Variants in CNTN5 observed in about 807,000 individuals in gnomAD.
CNTN5 encodes the protein contactin-5.
In CNTN5, 77 loss-of-function variants were observed where a neutral mutation model predicts 129.1. The observed-to-expected ratio is 0.60, with a 90% CI of 0.50 to 0.72. The LOEUF (loss-of-function observed/expected upper bound fraction) is 0.72. Ranked by LOEUF, CNTN5 falls within the 30% of genes least tolerant of loss-of-function variation. The probability of loss-of-function intolerance (pLI) is 0.00; values close to 1 mark genes in which losing one functional copy is unlikely to be tolerated. For missense variants in CNTN5, 1,478 were observed against 1,328.8 expected, an observed-to-expected ratio of 1.11 and a Z score of -1.75; for synonymous variants, 509 against 465.6, an observed-to-expected ratio of 1.09 and a Z score of -1.20.
intron 3 of CNTN5, among the ~76,000 whole-genome samples, chr11:99,630,823 T>C (rs1008550361): frequency 1.3e-5 from 2 of 152,146 alleles, no homozygotes; most frequent in African/African-American, 4.8e-5. Context: ...TATTGCACCC[T>C]TGTGGACCAT....
At chr11:99,171,194 A>G (rs1428359616) in intron 1 of CNTN5, among the ~76,000 whole-genome samples, 1 of 152,178 alleles carries the variant, frequency 6.6e-6, no homozygotes, top group Non-Finnish European at 1.5e-5. Context: ...TTATTTAAAA[A>G]TGTATTTCAT....
chr11:99,342,330 C>T (rs1168507480), intron 2 of CNTN5, among the ~76,000 whole-genome samples: 1 of 151,856 alleles, frequency 6.6e-6, no homozygotes, highest in South Asian at 2.1e-4. Context: ...TGAATCAATG[C>T]TACAATGATA....
intron 15 of CNTN5, among the ~76,000 whole-genome samples, chr11:100,197,538 T>C (rs546767288): frequency 3.3e-5 from 5 of 152,066 alleles, no homozygotes; most frequent in South Asian, 2.1e-4. Context: ...TGAGAGTTTA[T>C]GTTGGTCAGA....
Position 100,344,759 on chromosome 11 carries a change from A to G in CNTN5, c.3030+3554A>G, listed in dbSNP as rs372736678. On this transcript the variant is annotated intron_variant, in intron 23 of 24. Coordinates refer to ENST00000524871, the MANE Select transcript of CNTN5 (RefSeq NM_014361.4). ...CAAATTATCATATTACCCTGAAAATATATACATCTATTATGTATCAATAAA... is the reference window on the plus strand; with the variant it reads ...CAAATTATCATATTACCCTGAAAATGTATACATCTATTATGTATCAATAAA... Among the ~76,000 whole-genome samples, 24 of 152,282 alleles carry G rather than the reference A, an allele frequency of 1.6e-4. 1 individual carries two copies. The highest frequency in any genetic ancestry group is 1.4e-3 in the East Asian group (7 of 5,178).
chr11:99,821,818 T>A (rs1946810830), intron 4 of CNTN5, among the ~76,000 whole-genome samples: 2 of 152,188 alleles, frequency 1.3e-5, no homozygotes, highest in Non-Finnish European at 2.9e-5. Context: ...GATCTGTGGA[T>A]GATACTTACT....
intron 15 of CNTN5, among the ~76,000 whole-genome samples, chr11:100,196,668 T>C (rs544110966): frequency 1.3e-5 from 2 of 152,116 alleles, no homozygotes; most frequent in African/African-American, 4.8e-5. Flanking sequence ...GCTTCTACTA[T>C]TTATGTTGCC....
At chr11:100,008,292 T>C (rs1024896757) in intron 9 of CNTN5, among the ~76,000 whole-genome samples, 39 of 152,058 alleles carry the variant, frequency 2.6e-4, no homozygotes, top group African/African-American at 9.2e-4. Flanking sequence ...CCACAGACCT[T>C]CAATTTGTGA....
At position 99,089,113 on chromosome 11, in the gene CNTN5, AT is replaced by A. The variant is rs534517170; in HGVS notation, c.-210+67845del. Among the ~76,000 whole-genome samples the A allele has an allele frequency of 3.9e-5, 6 of 152,260 alleles. No individual in the cohort carries two copies. In the South Asian group the frequency reaches 1.2e-3, roughly 32 times the overall value. On this transcript the variant is annotated intron_variant, in intron 1 of 24. Coordinates refer to ENST00000524871, the MANE Select transcript of CNTN5 (RefSeq NM_014361.4). ...ATACCAGTTCACATAATATTAGTAA[AT>A]TCATGAGAGAACATTGAAGTTATAC...
chr11:99,577,823 TTTATTATTA>T (rs10677986), intron 3 of CNTN5, among the ~76,000 whole-genome samples: 2 of 147,980 alleles, frequency 1.4e-5, no homozygotes, highest in Admixed American at 6.8e-5. Context: ...AAGATTTTCT[TTTATTATTA>T]TTATTATTAT....
chr11:99,362,636 T>C (rs1030290837), intron 2 of CNTN5, among the ~76,000 whole-genome samples: 3 of 151,704 alleles, frequency 2.0e-5, no homozygotes, highest in African/African-American at 4.8e-5. Flanking sequence ...AGCATCCTTT[T>C]GGTGAAAAAA....
chr11:100,045,012 A>G (rs1025490476), intron 9 of CNTN5, among the ~76,000 whole-genome samples: 1 of 152,086 alleles, frequency 6.6e-6, no homozygotes, highest in Non-Finnish European at 1.5e-5. Context: ...CAGGCCATCA[A>G]AATGCAGTTT....
chr11:100,038,974 G>A (rs987001025), intron 9 of CNTN5, among the ~76,000 whole-genome samples: 127 of 152,136 alleles, frequency 8.3e-4, no homozygotes, highest in Non-Finnish European at 1.6e-3. Flanking sequence ...TTACATTTAA[G>A]GTTAATATTG....
chr11:99,790,194 T>A (rs1037695877), intron 3 of CNTN5, among the ~76,000 whole-genome samples: 1 of 152,054 alleles, frequency 6.6e-6, no homozygotes, highest in African/African-American at 2.4e-5. Flanking sequence ...AAATTTTTAT[T>A]TTAGGTTCAG....
intron 8 of CNTN5, among the ~76,000 whole-genome samples, chr11:99,983,251 T>A (rs989433423): frequency 6.6e-6 from 1 of 152,178 alleles, no homozygotes; most frequent in African/African-American, 2.4e-5. Context: ...GAATTATAGT[T>A]TATTAAACAG....
At chr11:99,527,909 C>A (rs985682337) in intron 2 of CNTN5, among the ~76,000 whole-genome samples, 1 of 152,080 alleles carries the variant, frequency 6.6e-6, no homozygotes, top group Non-Finnish European at 1.5e-5. Flanking sequence ...CAACAAAGCC[C>A]CGCAGAGAAC....
intron 9 of CNTN5, among the ~76,000 whole-genome samples, chr11:100,040,185 A>T (rs1942286501): frequency 6.6e-6 from 1 of 151,998 alleles, no homozygotes; most frequent in Admixed American, 6.6e-5. Flanking sequence ...TTTCCTTCTA[A>T]CAGACAGGAC....
intron 6 of CNTN5, among the ~76,000 whole-genome samples, chr11:99,900,121 T>C (rs1313310942): frequency 6.6e-6 from 1 of 151,888 alleles, no homozygotes; most frequent in Non-Finnish European, 1.5e-5. Context: ...TTAGCCCAAC[T>C]AGCGTTCTAT....
At chr11:99,672,262 C>T (rs553660140) in intron 3 of CNTN5, among the ~76,000 whole-genome samples, 4 of 152,152 alleles carry the variant, frequency 2.6e-5, no homozygotes, top group African/African-American at 9.7e-5. Flanking sequence ...GCTACCTCCT[C>T]TGGTATTAGG....
intron 1 of CNTN5, among the ~76,000 whole-genome samples, chr11:99,285,601 A>AG (rs1198642219): frequency 6.6e-6 from 1 of 151,782 alleles, no homozygotes; most frequent in Non-Finnish European, 1.5e-5. Context: ...AAGAAAAAAA[A>AG]AAAAAGAAAT....
Sources: allele counts gnomAD v4.1 joint callset (sites outside exome capture counted in the v4.1 genomes callset), GRCh38; gene constraint gnomAD v4.1.1; transcripts MANE v1.5; gene names NCBI Gene and HGNC (gene_info 2026-07-23, HGNC 2026-07-21).